Variants in EWSR1 observed in about 807,000 individuals in gnomAD.
EWSR1 encodes the protein EWS RNA binding protein 1, also known as RNA-binding protein EWS.
In EWSR1, 14 loss-of-function variants were observed where a neutral mutation model predicts 92.1. The observed-to-expected ratio is 0.15, with a 90% CI of 0.10 to 0.24. The LOEUF is 0.24. Ranked by LOEUF, EWSR1 falls within the 10% of genes least tolerant of loss-of-function variation. The probability of loss-of-function intolerance (pLI) is 1.00; values close to 1 mark genes in which losing one functional copy is unlikely to be tolerated. For synonymous variants in EWSR1, 303 were observed against 292.9 expected, an observed-to-expected ratio of 1.03 and a Z score of -0.35; for missense variants, 637 against 870.9, an observed-to-expected ratio of 0.73 and a Z score of 3.38.
Position 29,291,585 on chromosome 22 carries a change from T to C in EWSR1, c.998T>C (p.Phe333Ser). 1 of 1,613,848 alleles carries C rather than the reference T, an allele frequency of 6.2e-7. No individual in the cohort carries two copies. Among genetic ancestry groups the C allele is most frequent in the Non-Finnish European group, 8.5e-7 (1 of 1,179,918 alleles). ...GMGSAGERGG[F>S]NKPGGPMDEG... ...AGCAGCGCTGGAGAGCGAGGTGGCT[T>C]CAATAAGCCTGGTGGTAAGTTTTTG... Residue 333 changes from phenylalanine to serine, a missense_variant, in exon 9 of 17, where the codon TTC (phenylalanine) becomes TCC (serine). By Grantham distance (155) the Phe-to-Ser change is radical. Around this residue, in one of 5 missense-constraint regions of EWSR1, gnomAD observed 363 missense variants for 447.8 expected, o/e 0.81. Coordinates refer to ENST00000397938, the MANE Select transcript of EWSR1 (RefSeq NM_005243.4).
intron 13 of EWSR1, 113 bp from the exon 14 acceptor site, chr22:29,298,620 A>G: frequency 7.7e-7 from 1 of 1,304,752 alleles, no homozygotes; most frequent in South Asian, 1.2e-5. Context: ...GGGACAGGTG[A>G]TGGGGAAATG....
At position 29,297,953 on chromosome 22, in the gene EWSR1, CT is replaced by C. The variant is rs1368236421; in HGVS notation, c.1417+9del. The C allele has an allele frequency of 1.9e-6, 3 of 1,610,748 alleles. No homozygotes were observed. Among genetic ancestry groups the C allele is most frequent in the East Asian group, 2.2e-5 (1 of 44,840 alleles). ...ATGCCACCACCACTCCGTGGAGGTA[CT>C]TTTTCTGAGCTCCTATGTTGCATTA... On this transcript the variant is annotated splice_donor_5th_base_variant and intron_variant, in intron 13 of 16. Transcript: ENST00000397938.
chr22:29,284,086 G>A (rs889847104), intron 6 of EWSR1, among the ~76,000 whole-genome samples: 1 of 150,174 alleles, frequency 6.7e-6, no homozygotes, highest in Non-Finnish European at 1.5e-5. Flanking sequence ...CGCCTGCCTC[G>A]GCCTCCCAAA....
intron 10 of EWSR1, 70 bp downstream of exon 10, chr22:29,292,239 G>A (rs374372209): frequency 2.9e-5 from 41 of 1,432,080 alleles, no homozygotes; most frequent in African/African-American, 1.3e-4. Context: ...AAATGCATGC[G>A]TAGAGTTCAG....
At position 29,300,402 on chromosome 22, in the gene EWSR1, C is replaced by T; in HGVS notation, c.*241C>T. 2 of 451,008 alleles carry T rather than the reference C, an allele frequency of 4.4e-6. No individual in the cohort carries two copies. The highest frequency in any genetic ancestry group is 3.6e-5 in the East Asian group (1 of 27,860). 27.9% of individuals were successfully genotyped at this position (451,008 alleles called of 1,614,324 possible). On this transcript the variant is annotated 3_prime_UTR_variant, in exon 17 of 17. Coordinates refer to ENST00000397938, the MANE Select transcript of EWSR1 (RefSeq NM_005243.4). ...TGTTTAAGACTTTAACAATGGGAAC[C>T]CCTTGTGAGCATGCTCAGTATCATT...
At chr22:29,292,826 G>C (rs561778766) in intron 11 of EWSR1, among the ~76,000 whole-genome samples, 1 of 146,340 alleles carries the variant, frequency 6.8e-6, no homozygotes, top group African/African-American at 2.5e-5. Context: ...GTGCAATGGC[G>C]CAAGTCTTGG....
chr22:29,300,115 C>G lies in EWSR1; in HGVS notation c.1932-7C>G, dbSNP rs770577067. 2 of 1,602,084 alleles carry G rather than the reference C, an allele frequency of 1.2e-6. No individual in the cohort carries two copies. Among genetic ancestry groups the G allele is most frequent in the Non-Finnish European group, 1.7e-6 (2 of 1,177,632 alleles). ...ATTCTAACCGAAGGGCCCTCTTTACCTTGCAGAGGCGAGCACCGTCAGGAG... is the reference window on the plus strand; with the variant it reads ...ATTCTAACCGAAGGGCCCTCTTTACGTTGCAGAGGCGAGCACCGTCAGGAG... On this transcript the variant is annotated splice_region_variant and splice_polypyrimidine_tract_variant and intron_variant, in intron 16 of 16. Coordinates refer to ENST00000397938, the MANE Select transcript of EWSR1 (RefSeq NM_005243.4).
intron 1 of EWSR1, among the ~76,000 whole-genome samples, chr22:29,268,639 C>T (rs1226282976): frequency 6.6e-6 from 1 of 152,146 alleles, no homozygotes; most frequent in African/African-American, 2.4e-5. Flanking sequence ...CCCTGAGCTC[C>T]GGGCCTCCCG....
At chr22:29,276,564 TA>T (rs1210690146) in intron 4 of EWSR1, 1 of 226,388 alleles carries the variant, frequency 4.4e-6, no homozygotes, top group Non-Finnish European at 8.8e-6. Context: ...AAATCTTAAC[TA>T]AAATGGGCAG....
At chr22:29,273,621 GTTTT>G in intron 3 of EWSR1, 116 bp from the exon 4 acceptor site, 1 of 1,157,974 alleles carries the variant, frequency 8.6e-7, no homozygotes, top group Non-Finnish European at 1.2e-6. Context: ...TTTTTGTTTT[GTTTT>G]TTTAATCTTC....
rs531014221 is a variant in EWSR1, at chr22:29,293,264, C to G, written c.1164+658C>G. ...CACCTCAAGTGGCCACCTACCTCAG[C>G]CTCCCAAATTGCTGGGATTACAAGC... On this transcript the variant is annotated intron_variant, in intron 11 of 16. Coordinates refer to ENST00000397938, the MANE Select transcript of EWSR1 (RefSeq NM_005243.4). 7.9e-5 allele frequency among the ~76,000 whole-genome samples: 12 copies of G among 152,304 alleles called. No homozygotes were observed. The East Asian group carries it at 2.3e-3, about 29-fold the overall frequency.
intron 11 of EWSR1, chr22:29,296,035 T>G (rs2060833106): frequency 1.9e-6 from 1 of 530,744 alleles, no homozygotes; most frequent in Non-Finnish European, 3.3e-6. Flanking sequence ...ACTTCCACAC[T>G]TTGGTCTACT....
chr22:29,291,424 A>G, intron 8 of EWSR1, 138 bp from the exon 9 acceptor site: 6 of 767,152 alleles, frequency 7.8e-6, no homozygotes, highest in Non-Finnish European at 1.2e-5. Context: ...GAAGAAAGGC[A>G]TAGTGACAAG....
chr22:29,299,654 C>G lies in EWSR1; in HGVS notation c.1734C>G (p.Leu578=). ...GCATGCGGGGAGGAAGAGGTGGCCTCATGGATCGTGGTGGTCCCGGTGGAA... is the reference window on the plus strand; with the variant it reads ...GCATGCGGGGAGGAAGAGGTGGCCTGATGGATCGTGGTGGTCCCGGTGGAA... ...PGGMRGGRGG[L]MDRGGPGGMF... is the part of the protein sequence containing the mutation. Residue 578 remains leucine (L), a synonymous_variant, in exon 16 of 17, where the codon CTC becomes CTG. Coordinates refer to ENST00000397938, the MANE Select transcript of EWSR1 (RefSeq NM_005243.4). 1 of 1,610,214 alleles carries G rather than the reference C, an allele frequency of 6.2e-7. No individual in the cohort carries two copies. The highest frequency in any genetic ancestry group is 2.2e-5 in the East Asian group (1 of 44,802).
chr22:29,275,933 TTG>T, intron 4 of EWSR1: 1 of 199,900 alleles, frequency 5.0e-6, no homozygotes, highest in East Asian at 6.3e-5. Context: ...TTTTGTTTTT[TTG>T]TTTTTTTTTT....
chr22:29,296,382 A>ACTG lies in EWSR1; in HGVS notation c.1294+15_1294+17dup. The stretch of plus-strand genomic sequence containing the variant: ...AATGGTTTGATGGTGAGATGTACTC[A>ACTG]CTGGCATTCTTAATCTCCCTGGCTA... On this transcript the variant is annotated intron_variant, in intron 12 of 16. Coordinates refer to ENST00000397938, the MANE Select transcript of EWSR1 (RefSeq NM_005243.4). 3 of 1,613,084 alleles carry ACTG rather than the reference A, an allele frequency of 1.9e-6. No homozygotes were observed. The Middle Eastern group carries it at 5.0e-4, about 267-fold the overall frequency.
intron 11 of EWSR1, among the ~76,000 whole-genome samples, chr22:29,294,165 A>G (rs1368445052): frequency 2.0e-5 from 3 of 152,020 alleles, no homozygotes; most frequent in Non-Finnish European, 2.9e-5. Flanking sequence ...CACCCAGCCT[A>G]TTTAGATCTT....
At chr22:29,287,690 C>G (rs959142262) in intron 7 of EWSR1, among the ~76,000 whole-genome samples, 4 of 152,168 alleles carry the variant, frequency 2.6e-5, no homozygotes, top group African/African-American at 9.7e-5. Context: ...ACTAATTGAT[C>G]AGAAAAAATG....
intron 2 of EWSR1, 35 bp from the exon 3 acceptor site, chr22:29,272,345 C>G (rs1392994081): frequency 7.4e-6 from 12 of 1,611,088 alleles, no homozygotes. Context: ...TTTGAATGTT[C>G]TCTATTCAAG....
Sources: gnomAD v4.1 joint callset for allele counts (sites outside exome capture counted in the v4.1 genomes callset) on GRCh38, gnomAD v4.1.1 for gene constraint, gnomAD v4.1.1 regional missense constraint, MANE v1.5 for transcripts, NCBI Gene and HGNC (gene_info 2026-07-23, HGNC 2026-07-21) for gene names.